Variants in FHOD3 observed in about 807,000 individuals in gnomAD.
FHOD3 encodes FH1/FH2 domain-containing protein 3.
A neutral mutation model predicts 173.0 loss-of-function variants in FHOD3; 90 were observed. The ratio of observed to expected loss-of-function variants is 0.52; its 90% confidence interval spans 0.44 to 0.62. FHOD3 has a LOEUF of 0.62. Among genes scored for constraint, FHOD3 ranks in the 20% least tolerant of loss-of-function variants. The pLI is 0.00. For missense variants in FHOD3, 1,945 were observed against 2,034.7 expected (o/e 0.96, Z 0.85); for synonymous variants, 828 against 823.0 (o/e 1.01, Z -0.10).
chr18:36,484,372 C>A (rs1359935962), intron 3 of FHOD3, among the ~76,000 whole-genome samples: 1 of 152,152 alleles, frequency 6.6e-6, no homozygotes, highest in African/African-American at 2.4e-5. Flanking sequence ...TCTCCCATGC[C>A]ACATACCAGA....
chr18:36,486,073 A>C (rs745462951), intron 3 of FHOD3, among the ~76,000 whole-genome samples: 1 of 152,042 alleles, frequency 6.6e-6, no homozygotes, highest in Non-Finnish European at 1.5e-5. Flanking sequence ...ACACCACCAC[A>C]TTTTTTGCTC....
At chr18:36,502,784 A>C (rs2146076297) in intron 4 of FHOD3, among the ~76,000 whole-genome samples, 1 of 151,886 alleles carries the variant, frequency 6.6e-6, no homozygotes, top group South Asian at 2.1e-4. Context: ...TTTCCACCCT[A>C]CCCCCACATG....
At chr18:36,587,822 T>C (rs1240764980) in intron 6 of FHOD3, among the ~76,000 whole-genome samples, 2 of 152,226 alleles carry the variant, frequency 1.3e-5, no homozygotes, top group Non-Finnish European at 2.9e-5. Flanking sequence ...TATTTATTGT[T>C]ATTTTTAATT....
rs57497930 is a variant in FHOD3 at position 36,312,597 on chromosome 18, T to A, written c.165+14597T>A. Among the ~76,000 whole-genome samples the A allele has an allele frequency of 3.4e-4, 51 of 152,204 alleles. No individual in the cohort carries two copies. The East Asian group carries it at 9.8e-3, about 29-fold the overall frequency. ...AGAACCTCTCCCTAGCAGCAATCCCTGCTCTGTCAGAATCACGTTCTGTTG... is the reference window on the plus strand; with the variant it reads ...AGAACCTCTCCCTAGCAGCAATCCCAGCTCTGTCAGAATCACGTTCTGTTG... On this transcript the variant is annotated intron_variant, in intron 1 of 28. Transcript: ENST00000590592.
chr18:36,450,323 G>A (rs2051756143), intron 3 of FHOD3, among the ~76,000 whole-genome samples: 1 of 152,178 alleles, frequency 6.6e-6, no homozygotes, highest in Admixed American at 6.5e-5. Context: ...GAGCTCCCTG[G>A]TGGGAAGGAG....
intron 5 of FHOD3, among the ~76,000 whole-genome samples, chr18:36,539,746 T>G (rs1353719606): frequency 6.6e-6 from 1 of 152,254 alleles, no homozygotes; most frequent in Non-Finnish European, 1.5e-5. Context: ...AGACTATTTT[T>G]GAACCCATTA....
intron 2 of FHOD3, among the ~76,000 whole-genome samples, chr18:36,366,059 A>G (rs532986369): frequency 2.0e-5 from 3 of 152,144 alleles, no homozygotes; most frequent in Admixed American, 1.3e-4. Flanking sequence ...AAAGTAGATG[A>G]CTCATTCCTC....
chr18:36,435,991 T>C (rs2050790042), intron 3 of FHOD3, among the ~76,000 whole-genome samples: 1 of 152,142 alleles, frequency 6.6e-6, no homozygotes. Flanking sequence ...ATCAGTGCAC[T>C]CCTTCCTTCA....
At chr18:36,386,267 C>T (rs576003116) in intron 3 of FHOD3, among the ~76,000 whole-genome samples, 245 of 152,282 alleles carry the variant, frequency 1.6e-3, no homozygotes, top group African/African-American at 5.7e-3. Flanking sequence ...TCTGCCTCAT[C>T]TCCCTGCATT....
At chr18:36,380,582 C>CTTTT in intron 3 of FHOD3, among the ~76,000 whole-genome samples, 20 of 84,702 alleles carry the variant, frequency 2.4e-4, no homozygotes, top group African/African-American at 8.7e-4. Context: ...CTTTTCTTTT[C>CTTTT]CTTTCCTTTC....
Position 36,739,864 on chromosome 18 carries a change from A to G in FHOD3, c.3577-792A>G, listed in dbSNP as rs1005862919. Among the ~76,000 whole-genome samples, 5 of 152,158 alleles carry G rather than the reference A, an allele frequency of 3.3e-5. No homozygotes were observed. In the South Asian group the frequency reaches 8.3e-4, roughly 25 times the overall value. Reference sequence around the variant, plus strand: ...TTTAGAAATTTTTTGTAGATTCCTTATAGTTTTTTATGCAGACAATTATGA... The same window carrying G: ...TTTAGAAATTTTTTGTAGATTCCTTGTAGTTTTTTATGCAGACAATTATGA... On this transcript the variant is annotated intron_variant, in intron 20 of 28. Coordinates refer to ENST00000590592, the MANE Select transcript of FHOD3 (RefSeq NM_001281740.3).
chr18:36,412,678 T>A (rs1382210634), intron 3 of FHOD3, among the ~76,000 whole-genome samples: 1 of 152,252 alleles, frequency 6.6e-6, no homozygotes, highest in Non-Finnish European at 1.5e-5. Flanking sequence ...GTCATAATAC[T>A]TTTTGCTACA....
At chr18:36,701,920 A>T (rs1164937303) in intron 17 of FHOD3, among the ~76,000 whole-genome samples, 2 of 152,196 alleles carry the variant, frequency 1.3e-5, no homozygotes, top group African/African-American at 2.4e-5. Context: ...AGTCATCTTC[A>T]GTGGGGCTTA....
In FHOD3 at chr18:36,779,307, A is replaced by G. The variant is rs546397277; in HGVS notation, c.4787-141A>G. ...GCAGGGCACTTCAGCAAGAGCAGGAAGGTACAGAGTGTGAACCCTCTGGCT... is the reference window on the plus strand; with the variant it reads ...GCAGGGCACTTCAGCAAGAGCAGGAGGGTACAGAGTGTGAACCCTCTGGCT... On this transcript the variant is annotated intron_variant, in intron 28 of 28. Coordinates refer to ENST00000590592, the MANE Select transcript of FHOD3 (RefSeq NM_001281740.3). 4.2e-4 allele frequency: 289 copies of G among 683,832 alleles called. 3 individuals carry two copies. Among genetic ancestry groups the G allele is most frequent in the Middle Eastern group, 1.2e-3 (3 of 2,446 alleles). The allele number at this position is 683,832 out of a possible 1,614,324, so 42.4% of individuals were successfully genotyped here. A position where few individuals can be genotyped will look rare whatever the true frequency, so the allele number is the denominator to read the frequency against.
intron 6 of FHOD3, among the ~76,000 whole-genome samples, chr18:36,584,494 ATAGT>A (rs776559755): frequency 3.7e-4 from 56 of 152,356 alleles, no homozygotes; most frequent in Non-Finnish European, 6.8e-4. Context: ...CTAGAACATT[ATAGT>A]TAGTTCCTTG....
At chr18:36,606,462 A>G (rs1051533366) in intron 8 of FHOD3, among the ~76,000 whole-genome samples, 7 of 152,092 alleles carry the variant, frequency 4.6e-5, no homozygotes, top group African/African-American at 1.7e-4. Flanking sequence ...CATTCATCCG[A>G]TTTACCTCCT....
At chr18:36,731,363 G>C (rs2041350259) in intron 20 of FHOD3, among the ~76,000 whole-genome samples, 1 of 152,218 alleles carries the variant, frequency 6.6e-6, no homozygotes. Flanking sequence ...TTCACCTGCA[G>C]GGCCTGGGTT....
chr18:36,394,987 A>T lies in FHOD3; in HGVS notation c.337+22243A>T, dbSNP rs560566937. Among the ~76,000 whole-genome samples, 91 of 152,250 alleles carry T rather than the reference A, an allele frequency of 6.0e-4. No individual in the cohort carries two copies. The Middle Eastern group carries it at 0.017, about 28-fold the overall frequency. ...TTTTACATAGTCTCTTCTATATTAC[A>T]CCCTCATCTTGTTTCTCTACCCCTA... On this transcript the variant is annotated intron_variant, in intron 3 of 28. Transcript: ENST00000590592.
chr18:36,322,280 G>A (rs2044435997), intron 1 of FHOD3, among the ~76,000 whole-genome samples: 1 of 152,142 alleles, frequency 6.6e-6, no homozygotes, highest in African/African-American at 2.4e-5. Context: ...CCTGGAGGTG[G>A]GCCTTTTGGC....
Sources: allele counts gnomAD v4.1 joint callset (sites outside exome capture counted in the v4.1 genomes callset), GRCh38; gene constraint gnomAD v4.1.1; transcripts MANE v1.5; gene names NCBI Gene and HGNC (gene_info 2026-07-23, HGNC 2026-07-21).